The following SYT16 variants were observed in gnomAD, a reference collection of about 807,000 sequenced individuals.
The protein encoded by SYT16 is synaptotagmin-16.
A neutral mutation model predicts 61.4 loss-of-function variants in SYT16; 42 were observed. The observed-to-expected ratio is 0.68, with a 90% confidence interval of 0.53 to 0.89. The LOEUF is 0.89. SYT16 is among the 40% of genes least tolerant of loss of function. SYT16 has a pLI of 0.00. For missense variants in SYT16, 804 were observed against 807.3 expected (o/e 1.00, Z 0.05); for synonymous variants, 314 against 302.3 (o/e 1.04, Z -0.40).
chr14:62,098,683 C>T (rs943000419), intron 7 of SYT16, among the ~76,000 whole-genome samples: 6 of 152,150 alleles, frequency 3.9e-5, no homozygotes, highest in Middle Eastern at 3.2e-3. Flanking sequence ...ATGGTAGTCA[C>T]GAGCTAAGCA....
intron 1 of SYT16, among the ~76,000 whole-genome samples, chr14:61,834,137 T>G: frequency 6.6e-6 from 1 of 152,062 alleles, no homozygotes; most frequent in East Asian, 1.9e-4. Flanking sequence ...CTGATTCACA[T>G]TTATTTTTTT....
rs1029800131 is a variant in SYT16 at position 62,020,835 on chromosome 14, A to T, written c.523+24293A>T. Reference sequence around the variant, plus strand: ...ACACCACCTATGCTGCTTGGCAGTGACCATGGGCATGATCCATGCAGCCAC... The same window carrying T: ...ACACCACCTATGCTGCTTGGCAGTGTCCATGGGCATGATCCATGCAGCCAC... On this transcript the variant is annotated intron_variant, in intron 3 of 7. Coordinates refer to ENST00000683842, the MANE Select transcript of SYT16 (RefSeq NM_001367656.1). 1.1e-4 allele frequency among the ~76,000 whole-genome samples: 17 copies of T among 152,156 alleles called. 2 individuals are homozygous for T. Among genetic ancestry groups the T allele is most frequent in the Admixed American group, 8.5e-4 (13 of 15,268 alleles).
intron 1 of SYT16, among the ~76,000 whole-genome samples, chr14:61,833,706 C>CTTTTTTTTTT (rs11357318): frequency 1.0e-4 from 5 of 48,342 alleles, no homozygotes; most frequent in Non-Finnish European, 1.5e-4. Flanking sequence ...CCAGCAGTGG[C>CTTTTTTTTTT]TTTTTTTTTT....
At chr14:61,953,023 T>G (rs1321999632) in intron 1 of SYT16, among the ~76,000 whole-genome samples, 1 of 152,218 alleles carries the variant, frequency 6.6e-6, no homozygotes, top group Non-Finnish European at 1.5e-5. Context: ...CAAAATAATA[T>G]GCTGTGAAGT....
At chr14:62,073,773 AC>A (rs1034510188) in intron 4 of SYT16, among the ~76,000 whole-genome samples, 2 of 152,194 alleles carry the variant, frequency 1.3e-5, no homozygotes, top group Admixed American at 6.5e-5. Flanking sequence ...CCCTGTCACC[AC>A]CACTCATATT....
chr14:61,946,197 T>G (rs141185768), intron 1 of SYT16, among the ~76,000 whole-genome samples: 1 of 152,132 alleles, frequency 6.6e-6, no homozygotes, highest in East Asian at 1.9e-4. Context: ...ATCCCGGAAC[T>G]TAAAGTACAA....
intron 3 of SYT16, among the ~76,000 whole-genome samples, chr14:62,051,986 C>A (rs1374539240): frequency 3.3e-5 from 5 of 152,192 alleles, no homozygotes; most frequent in Admixed American, 3.3e-4. Flanking sequence ...GAGCTATGCA[C>A]TCCAGCCTGG....
chr14:61,994,017 G>C (rs1429609419), intron 2 of SYT16, among the ~76,000 whole-genome samples: 1 of 152,136 alleles, frequency 6.6e-6, no homozygotes, highest in Admixed American at 6.6e-5. Context: ...TGAGCAAACA[G>C]AATGAATTGA....
chr14:61,813,857 G>C (rs1390136928), intron 1 of SYT16, among the ~76,000 whole-genome samples: 1 of 149,512 alleles, frequency 6.7e-6, no homozygotes, highest in African/African-American at 2.5e-5. Context: ...GGGAAAATGA[G>C]ATGTCAAAAT....
intron 1 of SYT16, among the ~76,000 whole-genome samples, chr14:61,813,787 G>T (rs76298829): frequency 0.022 from 3,337 of 149,954 alleles, 62 homozygotes; most frequent in African/African-American, 0.052. Flanking sequence ...GCTGGCTACA[G>T]AGGCCCTTTG....
At chr14:62,034,741 A>G (rs2054441319) in intron 3 of SYT16, among the ~76,000 whole-genome samples, 1 of 152,156 alleles carries the variant, frequency 6.6e-6, no homozygotes, top group South Asian at 2.1e-4. Flanking sequence ...GGTGACAGGT[A>G]GTAGATATGA....
rs1367353222 is a variant in SYT16 at position 62,075,162 on chromosome 14, A to G, written c.764A>G (p.Tyr255Cys). 6.2e-7 allele frequency: 1 copy of G among 1,611,920 alleles called. No individual in the cohort carries two copies. The highest frequency in any genetic ancestry group is 8.5e-7 in the Non-Finnish European group (1 of 1,178,846). The stretch of plus-strand genomic sequence containing the variant: ...TTGGATGGAGCCAGCCAACGGCGTT[A>G]TTCTGAGAATCTCTCCTACGGTGAA... ...EDLDGASQRR[Y>C]SENLSYGEDD... The change falls in exon 5 of 8, where the codon TAT becomes TGT. Residue 255 changes from tyrosine to cysteine, a missense_variant. Transcript: ENST00000683842.
At chr14:62,031,582 T>C (rs1328979027) in intron 3 of SYT16, among the ~76,000 whole-genome samples, 1 of 152,124 alleles carries the variant, frequency 6.6e-6, no homozygotes, top group East Asian at 1.9e-4. Flanking sequence ...TAAGTTAAAA[T>C]CCAGGAGAGT....
At chr14:61,964,109 C>T (rs2051215436) in intron 1 of SYT16, among the ~76,000 whole-genome samples, 1 of 152,154 alleles carries the variant, frequency 6.6e-6, no homozygotes, top group Non-Finnish European at 1.5e-5. Context: ...GTTTACATTC[C>T]TGCTAACACA....
chr14:62,028,460 T>A (rs2054184523), intron 3 of SYT16, among the ~76,000 whole-genome samples: 1 of 152,228 alleles, frequency 6.6e-6, no homozygotes, highest in Non-Finnish European at 1.5e-5. Flanking sequence ...ACAGCTCATA[T>A]TTGACAGACC....
intron 1 of SYT16, among the ~76,000 whole-genome samples, chr14:61,881,402 C>A (rs532407735): frequency 6.6e-6 from 1 of 152,164 alleles, no homozygotes; most frequent in Non-Finnish European, 1.5e-5. Context: ...ATCTGGCTTC[C>A]GTTTTGGTAT....
At position 61,836,241 on chromosome 14, in the gene SYT16, T is replaced by C. The variant is rs530568733; in HGVS notation, c.-325+23431T>C. 2.6e-5 allele frequency among the ~76,000 whole-genome samples: 4 copies of C among 152,342 alleles called. No individual in the cohort carries two copies. In the South Asian group the frequency reaches 8.3e-4, roughly 32 times the overall value. ...ATTCCTGGGGGTTGATTTCTCATGG[T>C]ACCTTCCACCTCTTTGTGCCTGCAC... is the stretch of plus-strand genomic sequence containing the variant. On this transcript the variant is annotated intron_variant, in intron 1 of 7. Transcript: ENST00000683842.
chr14:61,917,366 C>T (rs529617627), intron 1 of SYT16, among the ~76,000 whole-genome samples: 9 of 152,170 alleles, frequency 5.9e-5, no homozygotes, highest in Non-Finnish European at 1.3e-4. Flanking sequence ...ATCCTCTGGG[C>T]CACAGGGATT....
intron 2 of SYT16, among the ~76,000 whole-genome samples, chr14:61,973,996 C>A (rs2051674206): frequency 6.6e-6 from 1 of 152,160 alleles, no homozygotes; most frequent in Non-Finnish European, 1.5e-5. Context: ...AAGGAGAGTG[C>A]CGCATGCTTC....
Sources: allele counts gnomAD v4.1 joint callset (sites outside exome capture counted in the v4.1 genomes callset), GRCh38; gene constraint gnomAD v4.1.1; transcripts MANE v1.5; gene names NCBI Gene and HGNC (gene_info 2026-07-23, HGNC 2026-07-21).